PHKA1: variants seen among roughly 807,000 people sequenced by gnomAD.
The protein encoded by PHKA1 is phosphorylase b kinase regulatory subunit alpha, skeletal muscle isoform.
PHKA1 carries 60 observed loss-of-function variants against 110.2 expected under a neutral mutation model. That is an observed-to-expected ratio of 0.54 (90% CI 0.44 to 0.68). The LOEUF (loss-of-function observed/expected upper bound fraction) is 0.68, where lower values mean the gene tolerates loss of function less well. PHKA1 is among the 30% of genes least tolerant of loss of function. The probability of loss-of-function intolerance (pLI) is 0.00; values close to 1 mark genes in which losing one functional copy is unlikely to be tolerated. For missense variants in PHKA1, 801 were observed against 942.5 expected (o/e 0.85, Z 1.97); for synonymous variants, 316 against 333.6 (o/e 0.95, Z 0.58).
chrX:72,695,907 T>G (rs1359625014), intron 3 of PHKA1, 31 bp from the exon 4 acceptor site: 1 of 1,154,503 alleles, frequency 8.7e-7, no homozygotes, highest in African/African-American at 1.8e-5. Context: ...AAAAGAAGGA[T>G]ATACTGAAAA....
At chrX:72,599,973 A>G (rs1439614882) in intron 28 of PHKA1, 2 of 420,451 alleles carry the variant, frequency 4.8e-6, no homozygotes, top group East Asian at 8.0e-5. Context: ...CTATTTCAGT[A>G]TGTAGTCAGC....
intron 4 of PHKA1, among the ~76,000 whole-genome samples, chrX:72,689,917 G>A (rs1375200086): frequency 9.0e-6 from 1 of 111,165 alleles, no homozygotes; most frequent in Non-Finnish European, 1.9e-5. Flanking sequence ...TGATGGGTGT[G>A]AAGTGGTATC....
intron 13 of PHKA1, among the ~76,000 whole-genome samples, chrX:72,647,439 G>C (rs1271048594): frequency 8.9e-6 from 1 of 111,838 alleles, no homozygotes; most frequent in Non-Finnish European, 1.9e-5. Context: ...AATTTACAGG[G>C]CAAGTGAGAC....
At chrX:72,615,362 T>C (rs1231328688) in intron 21 of PHKA1, among the ~76,000 whole-genome samples, 1 of 111,762 alleles carries the variant, frequency 8.9e-6, no homozygotes, top group Non-Finnish European at 1.9e-5. Context: ...AATCTAACGA[T>C]GGTGTGTAAA....
chrX:72,684,686 C>G, intron 4 of PHKA1, 106 bp from the exon 5 acceptor site: 1 of 538,406 alleles, frequency 1.9e-6, no homozygotes, highest in Non-Finnish European at 3.3e-6. Flanking sequence ...CAATCCTACT[C>G]CTGCCTAGGA....
chrX:72,627,140 T>C, intron 16 of PHKA1, 91 bp from the exon 17 acceptor site: 3 of 693,701 alleles, frequency 4.3e-6, no homozygotes, highest in Non-Finnish European at 6.9e-6. Flanking sequence ...AACATTCTGG[T>C]GGTTACAATA....
In PHKA1 at chrX:72,606,380, G is replaced by A. The variant is rs868944875; in HGVS notation, c.2607-761C>T. Among the ~76,000 whole-genome samples the A allele has an allele frequency of 4.8e-5, 5 of 104,680 alleles. No homozygotes were observed. The South Asian group carries it at 1.5e-3, about 30-fold the overall frequency. 90.9% of individuals were successfully genotyped at this position (104,680 alleles called of 115,157 possible). ...CACACACACACACACACACACACAC[G>A]TATACACACATCCTCACACACTTCT... On this transcript the variant is annotated intron_variant, in intron 23 of 31. Transcript: ENST00000373542.
chrX:72,695,808 G>A lies in PHKA1; in HGVS notation c.354C>T (p.Thr118=). 1 of 1,202,749 alleles carries A rather than the reference G, an allele frequency of 8.3e-7. No individual in the cohort carries two copies. The highest frequency in any genetic ancestry group is 1.1e-6 in the Non-Finnish European group (1 of 887,872). ...CACCCACTACAGTGGCACAGGTTTT[G>A]GTGTTGTACTTTGCATGGAGGCTAT... is the stretch of plus-strand genomic sequence containing the variant. ...TKDSLHAKYN[T]KTCATVVGDD... The change falls in exon 4 of 32, where the codon ACC becomes ACT. Residue 118 remains threonine, a synonymous_variant. Coordinates refer to ENST00000373542, the MANE Select transcript of PHKA1 (RefSeq NM_002637.4).
chrX:72,637,421 A>T (rs1255238215), intron 14 of PHKA1, among the ~76,000 whole-genome samples: 2 of 112,255 alleles, frequency 1.8e-5, no homozygotes, highest in Non-Finnish European at 3.8e-5. Context: ...TTTTGGGTAT[A>T]CATTTTGTGT....
chrX:72,693,265 G>A (rs1394481399), intron 4 of PHKA1, among the ~76,000 whole-genome samples: 19 of 112,034 alleles, frequency 1.7e-4, no homozygotes, highest in Non-Finnish European at 3.6e-4. Context: ...ATGTGCCATT[G>A]AGCTAGTATA....
intron 18 of PHKA1, 125 bp from the exon 19 acceptor site, chrX:72,621,026 T>C (rs1331698017): frequency 1.4e-5 from 10 of 725,011 alleles, no homozygotes; most frequent in Non-Finnish European, 2.0e-5. Flanking sequence ...AAGTAGGTTG[T>C]TTTTAGCTCA....
intron 5 of PHKA1, among the ~76,000 whole-genome samples, chrX:72,676,727 C>T (rs2053784057): frequency 8.9e-6 from 1 of 111,803 alleles, no homozygotes; most frequent in African/African-American, 3.2e-5. Flanking sequence ...AAAGCCTACC[C>T]TCTTAGCCAG....
At chrX:72,657,372 C>G (rs1423104564) in intron 9 of PHKA1, among the ~76,000 whole-genome samples, 1 of 112,288 alleles carries the variant, frequency 8.9e-6, no homozygotes, top group Non-Finnish European at 1.9e-5. Flanking sequence ...GGTGGAAGGA[C>G]TACACCTTCC....
chrX:72,656,749 T>C (rs1387237624), intron 9 of PHKA1, among the ~76,000 whole-genome samples: 1 of 111,257 alleles, frequency 9.0e-6, no homozygotes, highest in African/African-American at 3.3e-5. Flanking sequence ...AAAATTAAAA[T>C]AGGAAAAGAA....
In PHKA1 at chrX:72,614,206, G is replaced by A. The variant is rs148169614; in HGVS notation, c.2370-3022C>T. Among the ~76,000 whole-genome samples the A allele has an allele frequency of 3.2e-3, 360 of 111,428 alleles. 1 individual carries two copies. Among genetic ancestry groups the A allele is most frequent in the African/African-American group, 0.011 (347 of 30,698 alleles). ...AATTATTTAGGGTTAGATGGGGATCGTGTCTGCCACTTACTCTCAAATGGT... is the reference window on the plus strand; with the variant it reads ...AATTATTTAGGGTTAGATGGGGATCATGTCTGCCACTTACTCTCAAATGGT... On this transcript the variant is annotated intron_variant, in intron 21 of 31. Transcript: ENST00000373542.
chrX:72,612,420 T>C (rs1556262238), intron 21 of PHKA1, among the ~76,000 whole-genome samples: 1 of 111,941 alleles, frequency 8.9e-6, no homozygotes, highest in East Asian at 2.8e-4. Flanking sequence ...TGCACAACAA[T>C]GTGAATACAT....
chrX:72,674,327 T>C (rs1263700129), intron 6 of PHKA1, among the ~76,000 whole-genome samples: 1 of 110,229 alleles, frequency 9.1e-6, no homozygotes, highest in Non-Finnish European at 1.9e-5. Context: ...TACCCAGTAA[T>C]GGGATGGCTG....
chrX:72,599,758 A>G (rs2052634144), intron 28 of PHKA1: 1 of 488,333 alleles, frequency 2.0e-6, no homozygotes, highest in Non-Finnish European at 3.7e-6. Context: ...CATGATTTAT[A>G]TAAGAGCATA....
intron 5 of PHKA1, among the ~76,000 whole-genome samples, chrX:72,680,897 T>C (rs1401783689): frequency 3.0e-5 from 2 of 66,899 alleles, no homozygotes; most frequent in Non-Finnish European, 5.3e-5. Flanking sequence ...AGCAGCCGCC[T>C]GCCTTGGCCT....
Sources: gnomAD v4.1 joint callset for allele counts (sites outside exome capture counted in the v4.1 genomes callset) on GRCh38, gnomAD v4.1.1 for gene constraint, MANE v1.5 for transcripts, NCBI Gene and HGNC (gene_info 2026-07-23, HGNC 2026-07-21) for gene names.